The following GABARAPL2 variants were observed in gnomAD, a reference collection of about 807,000 sequenced individuals.
GABARAPL2 encodes gamma-aminobutyric acid receptor-associated protein-like 2.
A neutral mutation model predicts 16.9 loss-of-function variants in GABARAPL2; 11 were observed. The observed-to-expected ratio is 0.65, with a 90% CI of 0.41 to 1.08. The LOEUF (loss-of-function observed/expected upper bound fraction) is 1.08. Ranked by LOEUF, GABARAPL2 falls within the 50% of genes least tolerant of loss-of-function variation. GABARAPL2 has a pLI of 0.00. For missense variants in GABARAPL2, 134 were observed against 142.5 expected, an observed-to-expected ratio of 0.94 and a Z score of 0.30; for synonymous variants, 57 against 50.7, an observed-to-expected ratio of 1.12 and a Z score of -0.53.
intron 3 of GABARAPL2, among the ~76,000 whole-genome samples, chr16:75,574,791 G>A (rs1295626159): frequency 1.3e-5 from 2 of 151,692 alleles, no homozygotes; most frequent in East Asian, 3.9e-4. Flanking sequence ...TGATGAGGCC[G>A]GACACGGTGG....
rs1288568466 is a variant in GABARAPL2, at chr16:75,577,302, A to C, written c.287A>C (p.Glu96Ala). 6.2e-7 allele frequency: 1 copy of C among 1,611,998 alleles called. No individual in the cohort carries two copies. Among genetic ancestry groups the C allele is most frequent in the East Asian group, 2.2e-5 (1 of 44,872 alleles). The part of the protein sequence containing the change: ...QSSLTMGQLY[E>A]KEKDEDGFLY... Reference sequence around the variant, plus strand: ...AGCCTAACTATGGGACAGCTTTACGAGAAGGAAAAAGATGAAGATGGATTC... The same window carrying C: ...AGCCTAACTATGGGACAGCTTTACGCGAAGGAAAAAGATGAAGATGGATTC... The change falls in exon 4 of 4, where the codon GAG becomes GCG. Residue 96 changes from glutamate (E) to alanine (A), a missense_variant. Physicochemically the swap from Glu to Ala is moderately radical, Grantham distance 107. Coordinates refer to ENST00000037243, the MANE Select transcript of GABARAPL2 (RefSeq NM_007285.7).
At chr16:75,566,546 T>TGCTGGGG in intron 1 of GABARAPL2, 26 bp downstream of exon 1, 1 of 1,606,188 alleles carries the variant, frequency 6.2e-7, no homozygotes, top group Admixed American at 1.7e-5. Context: ...TCGGCCCGGC[T>TGCTGGGG]GCTGGGGGCT....
Position 75,577,450 on chromosome 16 carries a change from C to A in GABARAPL2, c.*81C>A, listed in dbSNP as rs1318554255. On this transcript the variant is annotated 3_prime_UTR_variant, in exon 4 of 4. Coordinates refer to ENST00000037243, the MANE Select transcript of GABARAPL2 (RefSeq NM_007285.7). Reference sequence around the variant, plus strand: ...GCCATTTTCAGTTATTATACCAGAACCTCTTCACATAGACCTATTAGTGCA... The same window carrying A: ...GCCATTTTCAGTTATTATACCAGAAACTCTTCACATAGACCTATTAGTGCA... The A allele has an allele frequency of 2.4e-6, 2 of 826,990 alleles. No individual in the cohort carries two copies. The highest frequency in any genetic ancestry group is 3.3e-5 in the African/African-American group (2 of 59,764). The allele number at this position is 826,990 out of a possible 1,614,324, so 51.2% of individuals were successfully genotyped here. A position where few individuals can be genotyped will look rare whatever the true frequency, so the allele number is the denominator to read the frequency against.
rs763470207 is a variant in GABARAPL2, at chr16:75,566,874, G to A, written c.57G>A (p.Ala19=). ...CAGAACACAGATGCGTGGAGTCCGC[G>A]AAGATTCGAGCGAAATATCCCGACA... ...HSLEHRCVES[A]KIRAKYPDRV... is the part of the protein sequence containing the mutation. The change falls in exon 2 of 4, where the codon GCG becomes GCA. Residue 19 remains alanine (A), a synonymous_variant. Coordinates refer to ENST00000037243, the MANE Select transcript of GABARAPL2 (RefSeq NM_007285.7). The A allele has an allele frequency of 1.9e-6, 3 of 1,613,444 alleles. No homozygotes were observed. Among genetic ancestry groups the A allele is most frequent in the Non-Finnish European group, 2.5e-6 (3 of 1,179,916 alleles).
At chr16:75,574,708 C>G (rs535311480) in intron 3 of GABARAPL2, among the ~76,000 whole-genome samples, 103 of 152,192 alleles carry the variant, frequency 6.8e-4, no homozygotes, top group Non-Finnish European at 1.1e-3. Context: ...CTTCTCCCCC[C>G]CAACAAAAGG....
intron 3 of GABARAPL2, chr16:75,572,517 C>T (rs990552214): frequency 6.6e-6 from 1 of 152,284 alleles, no homozygotes; most frequent in African/African-American, 2.4e-5. Flanking sequence ...TCTCCCAATG[C>T]ATAGCGCTGT....
intron 1 of GABARAPL2, 94 bp downstream of exon 1, chr16:75,566,614 G>A (rs994199137): frequency 6.4e-6 from 9 of 1,406,616 alleles, no homozygotes; most frequent in Non-Finnish European, 8.9e-6. Context: ...GTGGAGCGGG[G>A]CGGATGCCCT....
intron 3 of GABARAPL2, chr16:75,575,636 G>C (rs1014980723): frequency 5.9e-5 from 9 of 152,238 alleles, no homozygotes; most frequent in African/African-American, 1.9e-4. Context: ...TTTTTTAGTA[G>C]AGACGGGGTT....
intron 3 of GABARAPL2, chr16:75,568,482 T>C: frequency 3.6e-6 from 1 of 274,704 alleles, no homozygotes; most frequent in Non-Finnish European, 6.9e-6. Context: ...GTTGAGAACT[T>C]ATTTAGTCTT....
chr16:75,570,502 A>G (rs1480204275), intron 3 of GABARAPL2, among the ~76,000 whole-genome samples: 1 of 152,144 alleles, frequency 6.6e-6, no homozygotes, highest in Non-Finnish European at 1.5e-5. Flanking sequence ...GCTGGCTTCA[A>G]AGAGTGGCTG....
At position 75,571,516 on chromosome 16, in the gene GABARAPL2, A is replaced by G. The variant is rs1465848819; in HGVS notation, c.263+3307A>G. Among the ~76,000 whole-genome samples, 8 of 152,124 alleles carry G rather than the reference A, an allele frequency of 5.3e-5. No homozygotes were observed. In the South Asian group the frequency reaches 8.3e-4, roughly 16 times the overall value. ...CTAAAGCAGATTATACCAGTAACCC[A>G]AGTCAGGATTTTAGGACAGAGTAAC... On this transcript the variant is annotated intron_variant, in intron 3 of 3. Transcript: ENST00000037243.
chr16:75,568,936 A>C (rs892921090), intron 3 of GABARAPL2, among the ~76,000 whole-genome samples: 2 of 152,158 alleles, frequency 1.3e-5, no homozygotes, highest in African/African-American at 4.8e-5. Flanking sequence ...CTTTCCCGTT[A>C]CTGAGTGGGT....
In GABARAPL2 at chr16:75,566,548, C is replaced by T. The variant is rs770823189; in HGVS notation, c.34+28C>T. The T allele has an allele frequency of 6.9e-6, 11 of 1,605,292 alleles. No individual in the cohort carries two copies. In the Admixed American group the frequency reaches 1.7e-4, roughly 24 times the overall value. ...AAGCACTTGGTCGTCGGCCCGGCTG[C>T]TGGGGGCTGGGGCGGCGGGTGGGCC... On this transcript the variant is annotated intron_variant, in intron 1 of 3. Coordinates refer to ENST00000037243, the MANE Select transcript of GABARAPL2 (RefSeq NM_007285.7).
intron 3 of GABARAPL2, chr16:75,576,698 C>T (rs919397025): frequency 6.5e-6 from 1 of 152,910 alleles, no homozygotes; most frequent in Admixed American, 6.5e-5. Flanking sequence ...TAGGGAAAGC[C>T]AGCTTTTCTA....
rs1391984270 is a variant in GABARAPL2, at chr16:75,566,507, G to C, written c.21G>C (p.Glu7Asp). Reference sequence around the variant, plus strand: ...CCGCCATGAAGTGGATGTTCAAGGAGGACCACTCGCTGGGTAAGCACTTGG... The same window carrying C: ...CCGCCATGAAGTGGATGTTCAAGGACGACCACTCGCTGGGTAAGCACTTGG... MKWMFK[E>D]DHSLEHRCVE... The change falls in exon 1 of 4, where the codon GAG (glutamate) becomes GAC (aspartate). Residue 7 changes from glutamate to aspartate, a missense_variant. Glu to Asp is a conservative substitution (Grantham distance 45). Coordinates refer to ENST00000037243, the MANE Select transcript of GABARAPL2 (RefSeq NM_007285.7). 3 of 1,609,074 alleles carry C rather than the reference G, an allele frequency of 1.9e-6. No homozygotes were observed. The South Asian group carries it at 3.3e-5, about 18-fold the overall frequency.
intron 2 of GABARAPL2, among the ~76,000 whole-genome samples, chr16:75,567,419 A>G (rs1284894189): frequency 1.3e-5 from 2 of 152,238 alleles, no homozygotes; most frequent in African/African-American, 2.4e-5. Flanking sequence ...AATAATAAAT[A>G]TAATGTTATA....
In GABARAPL2 at chr16:75,566,824, C is replaced by G. The variant is rs8192517; in HGVS notation, c.35-28C>G. On this transcript the variant is annotated intron_variant, in intron 1 of 3. Coordinates refer to ENST00000037243, the MANE Select transcript of GABARAPL2 (RefSeq NM_007285.7). ...GGAACCGACCGGTGGGCAGGCGCGGCCGTCAGCCCCGTTTGTTTCTCCCAC... is the reference window on the plus strand; with the variant it reads ...GGAACCGACCGGTGGGCAGGCGCGGGCGTCAGCCCCGTTTGTTTCTCCCAC... 4.2e-4 allele frequency: 679 copies of G among 1,604,672 alleles called. 2 individuals carry two copies. In the Middle Eastern group the frequency reaches 0.01, roughly 24 times the overall value.
intron 3 of GABARAPL2, chr16:75,576,979 A>C: frequency 3.8e-6 from 1 of 266,242 alleles, no homozygotes; most frequent in South Asian, 5.7e-5. Context: ...CATTTTGCTT[A>C]GTTTCTTCCC....
chr16:75,567,374 C>T (rs2080890332), intron 2 of GABARAPL2, among the ~76,000 whole-genome samples: 1 of 152,216 alleles, frequency 6.6e-6, no homozygotes, highest in Non-Finnish European at 1.5e-5. Context: ...TGAAAAGCCG[C>T]TGAAAACCCC....
Sources: allele counts gnomAD v4.1 joint callset (sites outside exome capture counted in the v4.1 genomes callset), GRCh38; gene constraint gnomAD v4.1.1; transcripts MANE v1.5; gene names NCBI Gene and HGNC (gene_info 2026-07-23, HGNC 2026-07-21).